The following PTPRA variants were observed in gnomAD, a reference collection of about 807,000 sequenced individuals.
The protein encoded by PTPRA is receptor-type tyrosine-protein phosphatase alpha.
In PTPRA, 25 loss-of-function variants were observed where a neutral mutation model predicts 104.8. The observed-to-expected ratio is 0.24, with a 90% confidence interval of 0.17 to 0.33. PTPRA has a LOEUF of 0.33. Ranked by LOEUF, PTPRA falls within the 10% of genes least tolerant of loss-of-function variation. The pLI is 1.00. For synonymous variants in PTPRA, 323 were observed against 368.9 expected, an observed-to-expected ratio of 0.88 and a Z score of 1.43; for missense variants, 765 against 1,015.3, an observed-to-expected ratio of 0.75 and a Z score of 3.35.
intron 3 of PTPRA, 103 bp downstream of exon 3, chr20:2,948,127 C>G: frequency 2.0e-6 from 1 of 496,412 alleles, no homozygotes; most frequent in Middle Eastern, 3.3e-4. Context: ...ATGGCATAAT[C>G]TGGGGTGGGG....
At chr20:2,884,504 A>G (rs2090257915) in intron 1 of PTPRA, among the ~76,000 whole-genome samples, 1 of 151,896 alleles carries the variant, frequency 6.6e-6, no homozygotes, top group Non-Finnish European at 1.5e-5. Context: ...TGTGGTTTTT[A>G]TTTGCATTTC....
chr20:2,942,093 G>T (rs572864704), intron 2 of PTPRA, among the ~76,000 whole-genome samples: 3 of 152,266 alleles, frequency 2.0e-5, no homozygotes, highest in Non-Finnish European at 4.4e-5. Flanking sequence ...TGAGTAAGCG[G>T]GTTATTTCCC....
intron 9 of PTPRA, among the ~76,000 whole-genome samples, chr20:2,998,918 C>T (rs1485350931): frequency 8.5e-6 from 1 of 117,228 alleles, no homozygotes; most frequent in Non-Finnish European, 1.7e-5. Context: ...ATAAATATGA[C>T]ATATTTATAA....
intron 3 of PTPRA, among the ~76,000 whole-genome samples, chr20:2,949,919 G>A (rs2061297451): frequency 6.6e-6 from 1 of 151,760 alleles, no homozygotes; most frequent in African/African-American, 2.4e-5. Flanking sequence ...TGTATATCTT[G>A]GATAAACTCA....
intron 1 of PTPRA, among the ~76,000 whole-genome samples, chr20:2,878,650 C>T (rs973545608): frequency 7.2e-5 from 11 of 152,188 alleles, no homozygotes; most frequent in Non-Finnish European, 2.9e-5. Flanking sequence ...CCTGGGCTCA[C>T]CAAGTCAGAG....
chr20:3,011,361 A>G (rs1180170669), intron 11 of PTPRA, among the ~76,000 whole-genome samples: 3 of 152,216 alleles, frequency 2.0e-5, no homozygotes, highest in African/African-American at 7.2e-5. Context: ...CACTGTGGGT[A>G]GGCTTAAAGG....
intron 2 of PTPRA, among the ~76,000 whole-genome samples, chr20:2,930,703 T>C (rs1425677082): frequency 1.3e-5 from 2 of 152,186 alleles, no homozygotes; most frequent in East Asian, 3.8e-4. Context: ...ATTATCTTCT[T>C]ATAAGGACAC....
chr20:2,877,274 T>A (rs2089780741), intron 1 of PTPRA, among the ~76,000 whole-genome samples: 1 of 152,138 alleles, frequency 6.6e-6, no homozygotes, highest in Admixed American at 6.5e-5. Context: ...TTTGTTTGTT[T>A]TTTGAGATGG....
rs931562953 is a variant in PTPRA, at chr20:3,005,799, G to T, written c.829+653G>T. 2.6e-5 allele frequency among the ~76,000 whole-genome samples: 4 copies of T among 152,154 alleles called. No individual in the cohort carries two copies. In the South Asian group the frequency reaches 8.3e-4, roughly 32 times the overall value. On this transcript the variant is annotated intron_variant, in intron 10 of 23. Coordinates refer to ENST00000399903, the MANE Select transcript of PTPRA (RefSeq NM_001385305.1). ...GAGATGGTTTTTTGTGGTATTCATTGAAAGAAATTCTAATGCAGAGTTCTC... is the reference window on the plus strand; with the variant it reads ...GAGATGGTTTTTTGTGGTATTCATTTAAAGAAATTCTAATGCAGAGTTCTC...
In PTPRA at chr20:2,988,091, G is replaced by T. The variant is rs144422736; in HGVS notation, c.587G>T (p.Arg196Leu). ...AATTCTTTCCGCTTATCCAACGGCC[G>T]CACTGAGGATGTGGGTAAGGCATTC... ...HSNSFRLSNGRTEDVEPQSVP... is the reference protein window; with the variant it reads ...HSNSFRLSNGLTEDVEPQSVP... Residue 196 changes from arginine to leucine, a missense_variant, in exon 8 of 24, where the codon CGC becomes CTC. Physicochemically the swap from Arg to Leu is moderately radical, Grantham distance 102 (BLOSUM62 -2). This residue lies in a region of PTPRA where 256 missense variants were observed against 248.9 expected (regional missense o/e 1.03). Coordinates refer to ENST00000399903, the MANE Select transcript of PTPRA (RefSeq NM_001385305.1). The T allele has an allele frequency of 1.3e-6, 2 of 1,586,574 alleles. No individual in the cohort carries two copies. The highest frequency in any genetic ancestry group is 1.7e-6 in the Non-Finnish European group (2 of 1,155,096).
chr20:2,896,885 C>G (rs184372603), intron 1 of PTPRA, among the ~76,000 whole-genome samples: 1 of 152,290 alleles, frequency 6.6e-6, no homozygotes, highest in Admixed American at 6.5e-5. Context: ...TGTTCAGTCT[C>G]TTTTAATCTA....
intron 1 of PTPRA, among the ~76,000 whole-genome samples, chr20:2,904,186 T>C (rs2147133325): frequency 6.6e-6 from 1 of 152,254 alleles, no homozygotes; most frequent in Admixed American, 6.5e-5. Flanking sequence ...GTGCTGGGAT[T>C]ACAGTTATGA....
chr20:3,032,356 A>G (rs2148502316), intron 20 of PTPRA, among the ~76,000 whole-genome samples: 1 of 152,242 alleles, frequency 6.6e-6, no homozygotes, highest in Admixed American at 6.5e-5. Context: ...CACTACTCTC[A>G]TCAGCCTATA....
intron 6 of PTPRA, among the ~76,000 whole-genome samples, chr20:2,977,228 A>G (rs546102510): frequency 7.3e-5 from 11 of 151,146 alleles, no homozygotes; most frequent in Non-Finnish European, 1.5e-4. Flanking sequence ...GTGAGCCAAG[A>G]TCGCGCTCTT....
chr20:2,900,526 G>A (rs1331936641), intron 1 of PTPRA, among the ~76,000 whole-genome samples: 1 of 152,068 alleles, frequency 6.6e-6, no homozygotes, highest in Non-Finnish European at 1.5e-5. Flanking sequence ...TCCTCAAATA[G>A]CAGTTAATGA....
intron 20 of PTPRA, among the ~76,000 whole-genome samples, chr20:3,030,106 C>T (rs2065358819): frequency 6.6e-6 from 1 of 152,160 alleles, no homozygotes. Context: ...GAACCACGAG[C>T]ACAAGGACCA....
Position 3,038,189 on chromosome 20 carries a change from T to C in PTPRA, c.*56T>C. ...TTGCCTTTAATATTTTGTAATATTC[T>C]GTTTTGTTAATATACCCCAAATTGT... On this transcript the variant is annotated 3_prime_UTR_variant, in exon 24 of 24. Coordinates refer to ENST00000399903, the MANE Select transcript of PTPRA (RefSeq NM_001385305.1). 6.6e-7 allele frequency: 1 copy of C among 1,504,162 alleles called. No individual in the cohort carries two copies. The highest frequency in any genetic ancestry group is 9.2e-7 in the Non-Finnish European group (1 of 1,081,658). The allele number at this position is 1,504,162 out of a possible 1,614,324, so 93.2% of individuals were successfully genotyped here. A position where few individuals can be genotyped will look rare whatever the true frequency, so the allele number is the denominator to read the frequency against.
chr20:2,954,181 G>A (rs1283962083), intron 3 of PTPRA, among the ~76,000 whole-genome samples: 1 of 149,722 alleles, frequency 6.7e-6, no homozygotes, highest in Non-Finnish European at 1.5e-5. Context: ...GGGTTCAAGT[G>A]ATTTTCCTGC....
At chr20:3,034,354 A>G (rs1237617579) in intron 20 of PTPRA, among the ~76,000 whole-genome samples, 1 of 152,190 alleles carries the variant, frequency 6.6e-6, no homozygotes, top group Non-Finnish European at 1.5e-5. Context: ...ATCATGCTCA[A>G]TTCCTCCAGC....
Sources: allele counts gnomAD v4.1 joint callset (sites outside exome capture counted in the v4.1 genomes callset), GRCh38; gene constraint gnomAD v4.1.1; regional missense constraint gnomAD v4.1.1; transcripts MANE v1.5; gene names NCBI Gene and HGNC (gene_info 2026-07-23, HGNC 2026-07-21).